Variants in ERBB4 observed in about 807,000 individuals in gnomAD.
ERBB4 encodes the protein receptor tyrosine-protein kinase erbB-4.
Under a neutral mutation model 158.0 loss-of-function variants are expected in ERBB4, and 42 were observed. The observed-to-expected ratio is 0.27, with a 90% confidence interval of 0.21 to 0.34. The LOEUF (loss-of-function observed/expected upper bound fraction) is 0.34, where lower values mean the gene tolerates loss of function less well. Ranked by LOEUF, ERBB4 falls within the 10% of genes least tolerant of loss-of-function variation. The probability of loss-of-function intolerance (pLI) is 1.00; values close to 1 mark genes in which losing one functional copy is unlikely to be tolerated. For synonymous variants in ERBB4, 583 were observed against 558.7 expected, an observed-to-expected ratio of 1.04 and a Z score of -0.61; for missense variants, 1,333 against 1,624.1, an observed-to-expected ratio of 0.82 and a Z score of 3.08.
At chr2:212,459,435 G>A (rs1688462949) in intron 1 of ERBB4, among the ~76,000 whole-genome samples, 1 of 151,906 alleles carries the variant, frequency 6.6e-6, no homozygotes, top group African/African-American at 2.4e-5. Context: ...AAGCACTGAT[G>A]AAAAAAATTG....
chr2:212,204,485 G>C (rs981654529), intron 1 of ERBB4, among the ~76,000 whole-genome samples: 2 of 151,972 alleles, frequency 1.3e-5, no homozygotes, highest in African/African-American at 4.8e-5. Context: ...ATCATTTGAG[G>C]CCAGGAGTTC....
At chr2:211,977,421 G>A (rs2081640441) in intron 2 of ERBB4, among the ~76,000 whole-genome samples, 2 of 141,556 alleles carry the variant, frequency 1.4e-5, no homozygotes, top group South Asian at 4.5e-4. Context: ...ATTATTTTTT[G>A]TTTGTTTGTT....
intron 1 of ERBB4, among the ~76,000 whole-genome samples, chr2:212,499,543 T>C (rs1195365650): frequency 2.0e-5 from 3 of 152,142 alleles, no homozygotes; most frequent in Admixed American, 2.0e-4. Flanking sequence ...TTGCAGTAGC[T>C]TAGCTGTGAG....
At chr2:212,371,052 T>C (rs773702240) in intron 1 of ERBB4, among the ~76,000 whole-genome samples, 1 of 152,152 alleles carries the variant, frequency 6.6e-6, no homozygotes, top group Non-Finnish European at 1.5e-5. Context: ...GAGTAAAACA[T>C]GTCCACAAAT....
At chr2:211,893,999 G>A (rs1165926332) in intron 3 of ERBB4, among the ~76,000 whole-genome samples, 17 of 144,476 alleles carry the variant, frequency 1.2e-4, no homozygotes, top group Admixed American at 1.0e-3. Context: ...GGAAGTCAGT[G>A]TGGCGATTCC....
At chr2:211,547,333 A>G (rs1272503683) in intron 20 of ERBB4, among the ~76,000 whole-genome samples, 2 of 152,112 alleles carry the variant, frequency 1.3e-5, no homozygotes, top group African/African-American at 4.8e-5. Flanking sequence ...TTTCATCTTC[A>G]GTCCCACTGT....
At chr2:212,082,027 G>T (rs1440103668) in intron 2 of ERBB4, among the ~76,000 whole-genome samples, 1 of 151,958 alleles carries the variant, frequency 6.6e-6, no homozygotes, top group East Asian at 1.9e-4. Flanking sequence ...TAATACTAAA[G>T]GATGAATACT....
At chr2:211,995,326 C>A (rs1045810353) in intron 2 of ERBB4, among the ~76,000 whole-genome samples, 12 of 152,176 alleles carry the variant, frequency 7.9e-5, no homozygotes, top group African/African-American at 2.9e-4. Flanking sequence ...GTTAGAGGAA[C>A]TCTAATTGAT....
intron 3 of ERBB4, among the ~76,000 whole-genome samples, chr2:211,918,710 C>G (rs959311034): frequency 2.0e-5 from 3 of 152,074 alleles, no homozygotes; most frequent in Admixed American, 6.6e-5. Flanking sequence ...ATAGATATGT[C>G]TGTCGCTTCC....
At chr2:211,678,990 A>G (rs2072222992) in intron 13 of ERBB4, 62 bp downstream of exon 13, 1 of 1,299,798 alleles carries the variant, frequency 7.7e-7, no homozygotes, top group Non-Finnish European at 1.1e-6. Context: ...AAAAAAAAAA[A>G]ATCAGAACTA....
intron 20 of ERBB4, among the ~76,000 whole-genome samples, chr2:211,531,816 C>A (rs1246666082): frequency 6.6e-6 from 1 of 151,936 alleles, no homozygotes; most frequent in Non-Finnish European, 1.5e-5. Context: ...AGATATATAT[C>A]CCCAAAAAGG....
intron 1 of ERBB4, among the ~76,000 whole-genome samples, chr2:212,235,942 T>C (rs949190294): frequency 1.3e-5 from 2 of 152,176 alleles, no homozygotes; most frequent in African/African-American, 4.8e-5. Flanking sequence ...TCTCTTCCTA[T>C]TTGAATACCC....
intron 2 of ERBB4, among the ~76,000 whole-genome samples, chr2:211,959,102 C>T (rs1424242330): frequency 2.0e-5 from 3 of 152,014 alleles, no homozygotes; most frequent in African/African-American, 7.2e-5. Context: ...TATGCTTTCA[C>T]CCTCATTCAT....
intron 25 of ERBB4, among the ~76,000 whole-genome samples, chr2:211,401,044 TATTA>T (rs780118918): frequency 3.3e-5 from 5 of 152,114 alleles, no homozygotes; most frequent in Admixed American, 6.6e-5. Flanking sequence ...TTTAAATGTC[TATTA>T]ATTAACACAT....
intron 3 of ERBB4, among the ~76,000 whole-genome samples, chr2:211,925,184 A>C (rs974260642): frequency 1.3e-5 from 2 of 152,150 alleles, no homozygotes; most frequent in Non-Finnish European, 2.9e-5. Context: ...CACTTAGGAG[A>C]AAAATACTTT....
At chr2:211,848,453 C>T (rs1487561755) in intron 3 of ERBB4, among the ~76,000 whole-genome samples, 2 of 152,040 alleles carry the variant, frequency 1.3e-5, no homozygotes, top group East Asian at 1.9e-4. Context: ...AAGTCCATTG[C>T]TTTCTGGGCT....
chr2:212,116,626 T>C (rs1194216616), intron 2 of ERBB4, among the ~76,000 whole-genome samples: 1 of 152,164 alleles, frequency 6.6e-6, no homozygotes, highest in African/African-American at 2.4e-5. Flanking sequence ...TTTAAAACAT[T>C]TGTAGAGACA....
intron 2 of ERBB4, among the ~76,000 whole-genome samples, chr2:212,112,371 G>A (rs62183999): frequency 0.42 from 63,023 of 151,724 alleles, 15,515 homozygotes; most frequent in Non-Finnish European, 0.55. Flanking sequence ...TCTTAGCTCT[G>A]TCTGCTCAGG....
chr2:211,938,098 C>A (rs2080378449), intron 3 of ERBB4, among the ~76,000 whole-genome samples: 1 of 152,004 alleles, frequency 6.6e-6, no homozygotes, highest in Non-Finnish European at 1.5e-5. Context: ...ATGATATAAG[C>A]CTAATATGCT....
Sources: allele counts gnomAD v4.1 joint callset (sites outside exome capture counted in the v4.1 genomes callset), GRCh38; gene constraint gnomAD v4.1.1; transcripts MANE v1.5; gene names NCBI Gene and HGNC (gene_info 2026-07-23, HGNC 2026-07-21).